The following CACNB2 variants were observed in gnomAD, a reference collection of about 807,000 sequenced individuals.
The protein encoded by CACNB2 is calcium voltage-gated channel auxiliary subunit beta 2.
In CACNB2, 42 loss-of-function variants were observed where a neutral mutation model predicts 73.3. That is an observed-to-expected ratio of 0.57 (90% CI 0.45 to 0.74). CACNB2 has a LOEUF of 0.74. CACNB2 is among the 30% of genes least tolerant of loss of function. CACNB2 has a pLI of 0.00. For synonymous variants in CACNB2, 348 were observed against 310.3 expected, an observed-to-expected ratio of 1.12 and a Z score of -1.28; for missense variants, 940 against 853.0, an observed-to-expected ratio of 1.10 and a Z score of -1.27.
intron 3 of CACNB2, among the ~76,000 whole-genome samples, chr10:18,450,130 C>T (rs74611434): frequency 3.2e-4 from 48 of 152,270 alleles, no homozygotes; most frequent in African/African-American, 1.1e-3. Flanking sequence ...CAAAACTATC[C>T]GGTTAATGTG....
At chr10:18,297,297 C>T (rs963546208) in intron 2 of CACNB2, among the ~76,000 whole-genome samples, 1 of 152,172 alleles carries the variant, frequency 6.6e-6, no homozygotes, top group African/African-American at 2.4e-5. Context: ...ATAATCCCAG[C>T]ACTTTGGGAG....
chr10:18,152,736 A>AAC (rs72033453), intron 2 of CACNB2, among the ~76,000 whole-genome samples: 10,156 of 118,668 alleles, frequency 0.086, 450 homozygotes, highest in African/African-American at 0.2. Flanking sequence ...AAAAAAACAA[A>AAC]AAACAAAACA....
At chr10:18,203,228 C>T (rs965100535) in intron 2 of CACNB2, among the ~76,000 whole-genome samples, 1 of 152,084 alleles carries the variant, frequency 6.6e-6, no homozygotes, top group African/African-American at 2.4e-5. Flanking sequence ...CTTGGAGAGT[C>T]GAAATTATAG....
chr10:18,439,240 A>G (rs61842000), intron 3 of CACNB2, among the ~76,000 whole-genome samples: 20,519 of 152,240 alleles, frequency 0.13, 1,613 homozygotes, highest in East Asian at 0.26. Flanking sequence ...GAAGGTGACT[A>G]GGAAGAATAT....
chr10:18,205,747 G>A (rs538448390), intron 2 of CACNB2, among the ~76,000 whole-genome samples: 82 of 152,218 alleles, frequency 5.4e-4, no homozygotes, highest in African/African-American at 1.8e-3. Context: ...CTGGAGTGGA[G>A]AGAAGAGGGT....
chr10:18,391,564 G>A lies in CACNB2; in HGVS notation c.214-10360G>A, dbSNP rs1325113079. 2.6e-5 allele frequency among the ~76,000 whole-genome samples: 4 copies of A among 151,932 alleles called. No homozygotes were observed. In the East Asian group the frequency reaches 7.7e-4, roughly 29 times the overall value. On this transcript the variant is annotated intron_variant, in intron 2 of 13. Transcript: ENST00000324631. Reference sequence around the variant, plus strand: ...ACATTTAAAAAAATCCATCCTCGTGGGTGTTATATCCTAATCAAGGGAGAC... The same window carrying A: ...ACATTTAAAAAAATCCATCCTCGTGAGTGTTATATCCTAATCAAGGGAGAC...
At chr10:18,514,658 A>G in intron 7 of CACNB2, 2 of 1,136,968 alleles carry the variant, frequency 1.8e-6, no homozygotes, top group Non-Finnish European at 2.6e-6. Flanking sequence ...AATTGAGTTC[A>G]TGCATTTCAA....
intron 3 of CACNB2, among the ~76,000 whole-genome samples, chr10:18,453,187 AT>A (rs1564566525): frequency 6.6e-6 from 1 of 151,782 alleles, no homozygotes; most frequent in African/African-American, 2.4e-5. Context: ...GCTTTTCCTG[AT>A]TTTCTCTCCC....
intron 2 of CACNB2, among the ~76,000 whole-genome samples, chr10:18,364,395 G>C (rs1434411490): frequency 1.3e-5 from 2 of 151,580 alleles, no homozygotes; most frequent in Admixed American, 1.3e-4. Flanking sequence ...CCGTCTTCCG[G>C]GTTCTAGCAA....
chr10:18,332,431 C>G (rs1246454496), intron 2 of CACNB2, among the ~76,000 whole-genome samples: 1 of 152,150 alleles, frequency 6.6e-6, no homozygotes, highest in African/African-American at 2.4e-5. Flanking sequence ...ATCAAGAAGT[C>G]TATTGGATAT....
chr10:18,236,618 G>A (rs1165531117), intron 2 of CACNB2, among the ~76,000 whole-genome samples: 1 of 152,192 alleles, frequency 6.6e-6, no homozygotes, highest in Non-Finnish European at 1.5e-5. Context: ...TTGAGATCAA[G>A]CTATTGCCAA....
chr10:18,506,222 A>G (rs1204228195), intron 5 of CACNB2, among the ~76,000 whole-genome samples: 1 of 152,192 alleles, frequency 6.6e-6, no homozygotes, highest in African/African-American at 2.4e-5. Context: ...GGCTGCAGAA[A>G]TTACACTGGT....
intron 3 of CACNB2, among the ~76,000 whole-genome samples, chr10:18,437,403 AC>A (rs1448661723): frequency 3.9e-5 from 6 of 152,222 alleles, no homozygotes; most frequent in African/African-American, 1.4e-4. Flanking sequence ...TCCTAAAAAA[AC>A]CAAATAGCGT....
chr10:18,313,693 G>T (rs149520249), intron 2 of CACNB2, among the ~76,000 whole-genome samples: 8 of 152,278 alleles, frequency 5.3e-5, no homozygotes, highest in African/African-American at 1.9e-4. Flanking sequence ...GGGAAAATAT[G>T]CTCCACTAAA....
chr10:18,220,189 ATATATGTGTGTG>A (rs1189861226), intron 2 of CACNB2, among the ~76,000 whole-genome samples: 1,334 of 45,806 alleles, frequency 0.029, 254 homozygotes, highest in African/African-American at 0.13. Context: ...ATATATACAT[ATATATGTGTGTG>A]TATATATATA....
chr10:18,228,433 C>CAAAAAAAAAAAAAAAA (rs1164745930), intron 2 of CACNB2, among the ~76,000 whole-genome samples: 44 of 34,794 alleles, frequency 1.3e-3, no homozygotes, highest in Middle Eastern at 0.024. Context: ...AACTCTACCT[C>CAAAAAAAAAAAAAAAA]AAAAAAAAAA....
rs1392541691 is a variant in CACNB2, at chr10:18,539,341, T to A, written c.1600T>A (p.Ser534Thr). Reference protein sequence around the residue: ...PVKKSQHRSSSSAPHHNHRSG... With the variant: ...PVKKSQHRSSTSAPHHNHRSG... Reference sequence around the variant, plus strand: ...CAAGAAATCCCAGCACCGCTCTTCCTCCTCAGCCCCACACCACAACCATCG... The same window carrying A: ...CAAGAAATCCCAGCACCGCTCTTCCACCTCAGCCCCACACCACAACCATCG... Residue 534 changes from serine to threonine, a missense_variant, in exon 14 of 14, where the codon TCC becomes ACC. Coordinates refer to ENST00000324631, the MANE Select transcript of CACNB2 (RefSeq NM_201596.3). 6.8e-6 allele frequency: 11 copies of A among 1,613,988 alleles called. No homozygotes were observed. Among genetic ancestry groups the A allele is most frequent in the Non-Finnish European group, 8.5e-6 (10 of 1,180,002 alleles).
At chr10:18,329,307 C>G (rs989836659) in intron 2 of CACNB2, among the ~76,000 whole-genome samples, 19 of 152,106 alleles carry the variant, frequency 1.2e-4, no homozygotes, top group African/African-American at 4.6e-4. Context: ...TGGTAAAGTG[C>G]TAAGCAATTG....
intron 3 of CACNB2, among the ~76,000 whole-genome samples, chr10:18,495,293 C>A (rs1171562984): frequency 6.6e-6 from 1 of 150,990 alleles, no homozygotes; most frequent in East Asian, 2.0e-4. Context: ...GATCTTTGCT[C>A]ACTGCAGCCT....
Sources: allele counts gnomAD v4.1 joint callset (sites outside exome capture counted in the v4.1 genomes callset), GRCh38; gene constraint gnomAD v4.1.1; transcripts MANE v1.5; gene names NCBI Gene and HGNC (gene_info 2026-07-23, HGNC 2026-07-21).